The following CCDC125 variants were observed in gnomAD, a reference collection of about 807,000 sequenced individuals.
CCDC125 encodes the protein coiled-coil domain containing 125, also known as coiled-coil domain-containing protein 125.
Under a neutral mutation model 57.4 loss-of-function variants are expected in CCDC125, and 43 were observed. That is an observed-to-expected ratio of 0.75 (90% CI 0.59 to 0.97). The LOEUF (loss-of-function observed/expected upper bound fraction) is 0.97, where lower values mean the gene tolerates loss of function less well. CCDC125 is among the 50% of genes least tolerant of loss of function. CCDC125 has a pLI of 0.00. For missense variants in CCDC125, 563 were observed against 595.7 expected, an observed-to-expected ratio of 0.95 and a Z score of 0.57; for synonymous variants, 187 against 195.2, an observed-to-expected ratio of 0.96 and a Z score of 0.35.
At chr5:69,311,000 A>G (rs1758039872) in intron 4 of CCDC125, 118 bp downstream of exon 4, 1 of 553,090 alleles carries the variant, frequency 1.8e-6, no homozygotes, top group South Asian at 2.3e-5. Flanking sequence ...AAAAATATAC[A>G]TACCTAAAAA....
At chr5:69,274,536 A>G in the CCDC125 span, among the ~76,000 whole-genome samples, 1 of 152,204 alleles carries the variant, frequency 6.6e-6, no homozygotes, top group Non-Finnish European at 1.5e-5. Context: ...AATTACTGCA[A>G]ATAATATTGG....
chr5:69,283,035 C>T lies in CCDC125; in HGVS notation c.1231-1G>A. 6.3e-7 allele frequency: 1 copy of T among 1,574,936 alleles called. No individual in the cohort carries two copies. Among genetic ancestry groups the T allele is most frequent in the Non-Finnish European group, 8.6e-7 (1 of 1,165,276 alleles). On this transcript the variant is annotated splice_acceptor_variant, in intron 11 of 11. Coordinates refer to ENST00000396496, the MANE Select transcript of CCDC125 (RefSeq NM_176816.5). LOFTEE classifies it high-confidence loss of function. Reference sequence around the variant, plus strand: ...CCAAAGCTTCTTCTTTATCATTAAGCTGCATGCACAGAAATTAAACATGTA... The same window carrying T: ...CCAAAGCTTCTTCTTTATCATTAAGTTGCATGCACAGAAATTAAACATGTA...
rs1301865152 is a variant in CCDC125, at chr5:69,292,313, G to T, written c.974C>A (p.Ala325Asp). 6.2e-7 allele frequency: 1 copy of T among 1,613,808 alleles called. No individual in the cohort carries two copies. Among genetic ancestry groups the T allele is most frequent in the Admixed American group, 1.7e-5 (1 of 60,006 alleles). The change falls in exon 10 of 12, where the codon GCT becomes GAT. Residue 325 changes from alanine to aspartate, a missense_variant. By Grantham distance (126) the Ala-to-Asp change is moderately radical (BLOSUM62 -2). Transcript: ENST00000396496. The part of the protein sequence containing the change: ...SKEEAYVMAD[A>D]FRIAFEQQLM... ...TTGTTGCTCAAATGCAATTCTGAAA[G>T]CATCTGCCATCACGTAAGCTTCTTC...
At chr5:69,276,446 G>C, downstream of CCDC125, 1 of 1,069,672 alleles carries the variant, frequency 9.3e-7, no homozygotes, top group South Asian at 1.4e-5. Context: ...CATTCACATA[G>C]TATTTTTAAT....
intron 8 of CCDC125, among the ~76,000 whole-genome samples, chr5:69,296,152 G>C (rs1755287473): frequency 6.6e-6 from 1 of 151,980 alleles, no homozygotes; most frequent in Non-Finnish European, 1.5e-5. Context: ...AAAGTGCTGG[G>C]ATTACAGGCA....
chr5:69,323,388 T>G (rs928610668), intron 1 of CCDC125, among the ~76,000 whole-genome samples: 1 of 152,198 alleles, frequency 6.6e-6, no homozygotes, highest in African/African-American at 2.4e-5. Context: ...TCCTGTGTAC[T>G]TTATATATAT....
At chr5:69,310,867 T>C (rs1758019337) in intron 4 of CCDC125, 1 of 209,246 alleles carries the variant, frequency 4.8e-6, no homozygotes, top group Non-Finnish European at 9.6e-6. Flanking sequence ...GTCCCTTTTC[T>C]GGTGTTGGAA....
At chr5:69,307,487 T>C (rs934455046) in intron 5 of CCDC125, among the ~76,000 whole-genome samples, 13 of 151,942 alleles carry the variant, frequency 8.6e-5, no homozygotes, top group South Asian at 2.1e-4. Context: ...TCGAGACCAT[T>C]CTGGTTAACA....
chr5:69,298,000 T>C (rs1316047348), intron 8 of CCDC125, among the ~76,000 whole-genome samples: 1 of 146,930 alleles, frequency 6.8e-6, no homozygotes, highest in African/African-American at 2.5e-5. Flanking sequence ...AAAAAATAAA[T>C]AAAATTAAAC....
intron 8 of CCDC125, among the ~76,000 whole-genome samples, chr5:69,297,420 C>T (rs953714018): frequency 2.6e-5 from 4 of 151,824 alleles, no homozygotes; most frequent in Non-Finnish European, 4.4e-5. Context: ...AGTGCAATGG[C>T]GAGATCACAG....
At chr5:69,300,278 G>C (rs1756174559) in intron 7 of CCDC125, 151 bp from the exon 8 acceptor site, 3 of 630,840 alleles carry the variant, frequency 4.8e-6, no homozygotes, top group Non-Finnish European at 8.6e-6. Flanking sequence ...TGATAGAATA[G>C]TGAGTATCAC....
chr5:69,320,445 G>A lies in CCDC125; in HGVS notation c.96C>T (p.Leu32=), dbSNP rs755650560. ...DMTEGDLGYG[L]GRKPGGIYEI... ...CATAAATCCCACCAGGTTTCCTTCC[G>A]AGGCCATACCCTAAATCACCTTCTG... The change falls in exon 2 of 12, where the codon CTC becomes CTT. Residue 32 remains leucine (L), a synonymous_variant. Transcript: ENST00000396496. 48 of 1,613,466 alleles carry A rather than the reference G, an allele frequency of 3.0e-5. No individual in the cohort carries two copies. The highest frequency in any genetic ancestry group is 1.3e-4 in the East Asian group (6 of 44,878).
downstream of CCDC125, chr5:69,276,563 C>T: frequency 6.2e-7 from 1 of 1,613,160 alleles, no homozygotes; most frequent in Non-Finnish European, 8.5e-7. Flanking sequence ...TGAAGTATTT[C>T]AGTAATCGGC....
intron 1 of CCDC125, among the ~76,000 whole-genome samples, chr5:69,328,476 C>T (rs1458358621): frequency 1.3e-5 from 2 of 151,274 alleles, no homozygotes; most frequent in African/African-American, 4.9e-5. Context: ...GAAACCCCAT[C>T]TCAAAAAATA....
At chr5:69,274,496 A>G in the CCDC125 span, among the ~76,000 whole-genome samples, 1 of 152,190 alleles carries the variant, frequency 6.6e-6, no homozygotes, top group African/African-American at 2.4e-5. Flanking sequence ...TAAAAAATGA[A>G]AATGCAACTG....
chr5:69,293,397 A>C (rs1007781660), intron 9 of CCDC125, among the ~76,000 whole-genome samples: 6 of 152,012 alleles, frequency 3.9e-5, no homozygotes, highest in African/African-American at 9.7e-5. Context: ...CACGCCTGTA[A>C]TCCCAGCACT....
chr5:69,314,779 G>A (rs962262592), intron 2 of CCDC125, among the ~76,000 whole-genome samples: 11 of 151,982 alleles, frequency 7.2e-5, no homozygotes, highest in Non-Finnish European at 1.3e-4. Context: ...ACTCCAGCTT[G>A]AGCAACAGAG....
chr5:69,291,327 T>C (rs1033588471), intron 10 of CCDC125, among the ~76,000 whole-genome samples: 1 of 152,280 alleles, frequency 6.6e-6, no homozygotes, highest in Non-Finnish European at 1.5e-5. Flanking sequence ...TTTTAATATA[T>C]TTTTTAATAC....
intron 9 of CCDC125, among the ~76,000 whole-genome samples, chr5:69,293,694 T>G (rs1754873614): frequency 6.6e-6 from 1 of 152,174 alleles, no homozygotes; most frequent in South Asian, 2.1e-4. Context: ...AAATTTAATT[T>G]TGTCCTATTT....
Sources: gnomAD v4.1 joint callset for allele counts (sites outside exome capture counted in the v4.1 genomes callset) on GRCh38, gnomAD v4.1.1 for gene constraint, MANE v1.5 for transcripts, NCBI Gene and HGNC (gene_info 2026-07-23, HGNC 2026-07-21) for gene names.